DACH1: variants seen among roughly 807,000 people sequenced by gnomAD.
DACH1 encodes the protein dachshund family transcription factor 1, also known as dachshund homolog 1.
A neutral mutation model predicts 54.2 loss-of-function variants in DACH1; 12 were observed. That is an observed-to-expected ratio of 0.22 (90% CI 0.14 to 0.36). The LOEUF (loss-of-function observed/expected upper bound fraction) is 0.36, where lower values mean the gene tolerates loss of function less well. Among genes scored for constraint, DACH1 ranks in the 10% least tolerant of loss-of-function variants. DACH1 has a pLI of 1.00. For missense variants in DACH1, 805 were observed against 929.8 expected (o/e 0.87, Z 1.75); for synonymous variants, 386 against 366.2 (o/e 1.05, Z -0.62).
At chr13:71,862,240 G>T (rs1390992310) in intron 1 of DACH1, among the ~76,000 whole-genome samples, 1 of 151,750 alleles carries the variant, frequency 6.6e-6, no homozygotes, top group East Asian at 1.9e-4. Context: ...AATAAAACAG[G>T]GTCACTTTTT....
intron 10 of DACH1, among the ~76,000 whole-genome samples, chr13:71,442,959 T>C (rs1468685445): frequency 1.3e-5 from 2 of 151,146 alleles, no homozygotes; most frequent in Non-Finnish European, 2.9e-5. Flanking sequence ...GTAAGTTTAG[T>C]AAATATGTGT....
chr13:71,716,039 C>T (rs1882949726), intron 1 of DACH1, among the ~76,000 whole-genome samples: 1 of 151,992 alleles, frequency 6.6e-6, no homozygotes, highest in African/African-American at 2.4e-5. Flanking sequence ...CTTAAACCTG[C>T]ACCTCATTAC....
At chr13:71,548,247 T>TA (rs1208797570) in intron 6 of DACH1, among the ~76,000 whole-genome samples, 1 of 152,202 alleles carries the variant, frequency 6.6e-6, no homozygotes, top group East Asian at 1.9e-4. Context: ...GTCAAATTAT[T>TA]ATATGTCCAT....
rs79247507 is a variant in DACH1 at position 71,661,397 on chromosome 13, A to G, written c.964+20398T>C. On this transcript the variant is annotated intron_variant, in intron 2 of 10. Transcript: ENST00000613252. ...GAAAAAAGAAAGAACATGATTTACT[A>G]TGTTCTGGGATATTACAACATTTTC... 3.7e-3 allele frequency among the ~76,000 whole-genome samples: 560 copies of G among 152,022 alleles called. 1 individual carries two copies. The highest frequency in any genetic ancestry group is 0.015 in the Middle Eastern group (4 of 272).
intron 7 of DACH1, among the ~76,000 whole-genome samples, chr13:71,485,043 G>A (rs912989318): frequency 6.6e-6 from 1 of 151,662 alleles, no homozygotes; most frequent in Non-Finnish European, 1.5e-5. Context: ...GCGACAGAGG[G>A]AGACTCCGTC....
chr13:71,513,050 G>A (rs2138262163), intron 6 of DACH1, among the ~76,000 whole-genome samples: 1 of 151,938 alleles, frequency 6.6e-6, no homozygotes, highest in East Asian at 1.9e-4. Flanking sequence ...ACAGAACTTA[G>A]AAATATATAC....
intron 1 of DACH1, among the ~76,000 whole-genome samples, chr13:71,696,596 G>A (rs1250181073): frequency 1.3e-5 from 2 of 150,452 alleles, no homozygotes; most frequent in African/African-American, 4.9e-5. Flanking sequence ...TGCCTAGGCT[G>A]GAGTGCAATG....
chr13:71,517,534 C>T (rs985581553), intron 6 of DACH1, among the ~76,000 whole-genome samples: 2 of 151,832 alleles, frequency 1.3e-5, no homozygotes, highest in African/African-American at 4.8e-5. Flanking sequence ...TTATCTTTCA[C>T]TACATTTTGG....
intron 10 of DACH1, among the ~76,000 whole-genome samples, chr13:71,472,079 T>G (rs1877128709): frequency 6.6e-6 from 1 of 152,176 alleles, no homozygotes; most frequent in Non-Finnish European, 1.5e-5. Flanking sequence ...TAAATCTGTG[T>G]GACATAAGGC....
chr13:71,497,908 A>G (rs1281458457), intron 6 of DACH1, among the ~76,000 whole-genome samples: 3 of 151,526 alleles, frequency 2.0e-5, no homozygotes, highest in Non-Finnish European at 4.4e-5. Flanking sequence ...ACACAGATAC[A>G]CAGACACACA....
At chr13:71,861,230 C>A (rs555541776) in intron 1 of DACH1, among the ~76,000 whole-genome samples, 1 of 151,854 alleles carries the variant, frequency 6.6e-6, no homozygotes, top group Non-Finnish European at 1.5e-5. Context: ...AAAAGCCTGT[C>A]GTGTAGTTTA....
chr13:71,751,967 T>TA (rs527701873), intron 1 of DACH1, among the ~76,000 whole-genome samples: 412 of 152,288 alleles, frequency 2.7e-3, no homozygotes, highest in Admixed American at 4.3e-3. Context: ...ATTGAAATTT[T>TA]AAAAAATCTC....
At chr13:71,597,724 A>G (rs1256381484) in intron 3 of DACH1, among the ~76,000 whole-genome samples, 1 of 152,136 alleles carries the variant, frequency 6.6e-6, no homozygotes, top group Non-Finnish European at 1.5e-5. Flanking sequence ...TTCCTGTTAC[A>G]TTGTGTTGAG....
At chr13:71,799,913 A>G (rs1566508224) in intron 1 of DACH1, among the ~76,000 whole-genome samples, 1 of 152,094 alleles carries the variant, frequency 6.6e-6, no homozygotes, top group Non-Finnish European at 1.5e-5. Flanking sequence ...ATATGTGTGT[A>G]CACTATTTTA....
intron 2 of DACH1, among the ~76,000 whole-genome samples, chr13:71,676,071 A>G (rs1467696202): frequency 6.6e-6 from 1 of 152,226 alleles, no homozygotes; most frequent in Non-Finnish European, 1.5e-5. Flanking sequence ...TAAGGCATAC[A>G]GTAGATTGTT....
chr13:71,532,818 A>G (rs1181232136), intron 6 of DACH1, among the ~76,000 whole-genome samples: 1 of 151,856 alleles, frequency 6.6e-6, no homozygotes, highest in Non-Finnish European at 1.5e-5. Flanking sequence ...ATCAACTCAT[A>G]TATAAATATA....
chr13:71,623,315 T>C (rs1876383609), intron 3 of DACH1, among the ~76,000 whole-genome samples: 1 of 151,642 alleles, frequency 6.6e-6, no homozygotes, highest in Non-Finnish European at 1.5e-5. Flanking sequence ...AAATGATCAG[T>C]TATTAATATA....
chr13:71,771,557 C>A (rs933880005), intron 1 of DACH1, among the ~76,000 whole-genome samples: 8 of 151,452 alleles, frequency 5.3e-5, no homozygotes, highest in Non-Finnish European at 8.9e-5. Context: ...GGGCAAGTAT[C>A]CCATTCTAGA....
chr13:71,572,754 G>C, intron 4 of DACH1, 86 bp downstream of exon 4: 1 of 1,395,998 alleles, frequency 7.2e-7, no homozygotes, highest in Non-Finnish European at 9.7e-7. Context: ...TTAGAGTTCA[G>C]ATGTACTTAT....
Sources: allele counts gnomAD v4.1 joint callset (sites outside exome capture counted in the v4.1 genomes callset), GRCh38; gene constraint gnomAD v4.1.1; transcripts MANE v1.5; gene names NCBI Gene and HGNC (gene_info 2026-07-23, HGNC 2026-07-21).